The following DGKB variants were observed in gnomAD, a reference collection of about 807,000 sequenced individuals.
DGKB encodes 90 kDa diacylglycerol kinase.
In DGKB, 67 loss-of-function variants were observed where a neutral mutation model predicts 114.3. The observed-to-expected ratio is 0.59, with a 90% confidence interval of 0.48 to 0.72. DGKB has a LOEUF of 0.72. DGKB is among the 30% of genes least tolerant of loss of function. DGKB has a pLI of 0.00. For synonymous variants in DGKB, 398 were observed against 323.1 expected, an observed-to-expected ratio of 1.23 and a Z score of -2.49; for missense variants, 907 against 975.2, an observed-to-expected ratio of 0.93 and a Z score of 0.93.
Position 14,319,421 on chromosome 7 carries a change from T to C in DGKB, c.2122+19094A>G, listed in dbSNP as rs181672494. On this transcript the variant is annotated intron_variant, in intron 23 of 25. Transcript: ENST00000402815. Reference sequence around the variant, plus strand: ...ACTCTTCTTACTAAATTTTTGTTTTTTAAATATAGTTATTTAAAAATATAT... The same window carrying C: ...ACTCTTCTTACTAAATTTTTGTTTTCTAAATATAGTTATTTAAAAATATAT... Among the ~76,000 whole-genome samples the C allele has an allele frequency of 1.8e-3, 280 of 152,270 alleles. 1 individual carries two copies. The highest frequency in any genetic ancestry group is 6.5e-3 in the African/African-American group (271 of 41,570).
chr7:14,840,200 C>T (rs1847729939), intron 2 of DGKB, among the ~76,000 whole-genome samples: 2 of 152,120 alleles, frequency 1.3e-5, no homozygotes, highest in African/African-American at 4.8e-5. Flanking sequence ...TAATTTTTAC[C>T]TCGTTCACTA....
intron 1 of DGKB, among the ~76,000 whole-genome samples, chr7:14,941,829 A>C (rs1320725671): frequency 6.6e-6 from 1 of 152,070 alleles, no homozygotes; most frequent in Non-Finnish European, 1.5e-5. Flanking sequence ...AATAAAACGG[A>C]TGATTAGAAG....
chr7:14,682,938 C>G, intron 10 of DGKB, 97 bp from the exon 11 acceptor site: 1 of 793,094 alleles, frequency 1.3e-6, no homozygotes, highest in Non-Finnish European at 2.1e-6. Flanking sequence ...ATTTCATATC[C>G]ACTGCTCCCT....
chr7:14,709,170 C>A (rs1465433011), intron 6 of DGKB, among the ~76,000 whole-genome samples: 1 of 152,072 alleles, frequency 6.6e-6, no homozygotes, highest in African/African-American at 2.4e-5. Context: ...TGAACAGACA[C>A]TTCTCAAAAG....
At chr7:14,394,635 C>A (rs1583620371) in intron 21 of DGKB, among the ~76,000 whole-genome samples, 1 of 151,258 alleles carries the variant, frequency 6.6e-6, no homozygotes, top group East Asian at 1.9e-4. Context: ...CTTCACCTTT[C>A]TTCCTGCTAT....
intron 1 of DGKB, among the ~76,000 whole-genome samples, chr7:14,918,658 C>T (rs959674069): frequency 2.0e-5 from 3 of 152,030 alleles, no homozygotes; most frequent in African/African-American, 7.2e-5. Context: ...TAGGAATATT[C>T]AATATTGTTT....
At chr7:14,492,779 G>C (rs1028238554) in intron 20 of DGKB, among the ~76,000 whole-genome samples, 1 of 152,030 alleles carries the variant, frequency 6.6e-6, no homozygotes, top group Non-Finnish European at 1.5e-5. Context: ...AAATCCTTTT[G>C]ATAGCTTACA....
chr7:14,788,018 G>A (rs1011951207), intron 2 of DGKB, among the ~76,000 whole-genome samples: 3 of 152,206 alleles, frequency 2.0e-5, no homozygotes, highest in Admixed American at 1.3e-4. Context: ...CTGAGGTTAT[G>A]ACAGGAGAGT....
At chr7:14,763,284 T>C (rs573346736) in intron 2 of DGKB, among the ~76,000 whole-genome samples, 16 of 152,190 alleles carry the variant, frequency 1.1e-4, no homozygotes, top group Non-Finnish European at 1.5e-4. Context: ...TTGTAACTCA[T>C]CCTCCATGGG....
At chr7:14,205,147 C>G (rs951558086) in intron 23 of DGKB, among the ~76,000 whole-genome samples, 1 of 151,984 alleles carries the variant, frequency 6.6e-6, no homozygotes, top group Non-Finnish European at 1.5e-5. Flanking sequence ...CATACTGTCA[C>G]TGTGTATTCA....
intron 7 of DGKB, among the ~76,000 whole-genome samples, chr7:14,700,413 C>CA (rs1824951769): frequency 6.6e-6 from 1 of 152,128 alleles, no homozygotes; most frequent in African/African-American, 2.4e-5. Context: ...GGGGTTTCAC[C>CA]ATGTTGGCCA....
At chr7:14,447,216 A>T (rs951152089) in intron 21 of DGKB, among the ~76,000 whole-genome samples, 1 of 150,370 alleles carries the variant, frequency 6.7e-6, no homozygotes, top group Non-Finnish European at 1.5e-5. Context: ...TTTTTGCCAC[A>T]TGAAAGAAAT....
chr7:14,515,947 C>T (rs114509313), intron 20 of DGKB, among the ~76,000 whole-genome samples: 6,389 of 152,092 alleles, frequency 0.042, 432 homozygotes, highest in African/African-American at 0.15. Context: ...TAAGCTCAAG[C>T]GATCCTCCTG....
At chr7:14,974,606 T>C (rs895985985) in intron 1 of DGKB, 13 of 152,118 alleles carry the variant, frequency 8.5e-5, no homozygotes, top group Admixed American at 7.9e-4. Context: ...TTCCATCAAA[T>C]AGATCCTTAT....
Position 14,367,076 on chromosome 7 carries a change from T to C in DGKB, c.1836-21685A>G, listed in dbSNP as rs149696886. On this transcript the variant is annotated intron_variant, in intron 21 of 25. Transcript: ENST00000402815. ...CCCAGGCTAGAGACATGCGGTGCAA[T>C]ACTCTCTTGCGATGCCAGGCAGTAG... 3.4e-4 allele frequency among the ~76,000 whole-genome samples: 51 copies of C among 152,212 alleles called. No homozygotes were observed. In the East Asian group the frequency reaches 6.0e-3, roughly 18 times the overall value.
intron 21 of DGKB, among the ~76,000 whole-genome samples, chr7:14,412,488 C>A (rs1208763510): frequency 6.6e-6 from 1 of 152,012 alleles, no homozygotes; most frequent in Admixed American, 6.6e-5. Flanking sequence ...GGAAAGAGAG[C>A]CCGGGGAAAG....
intron 15 of DGKB, among the ~76,000 whole-genome samples, chr7:14,614,048 G>A (rs1806084500): frequency 6.6e-6 from 1 of 152,134 alleles, no homozygotes. Context: ...TCTCTTTCAG[G>A]TAACACGAAT....
intron 12 of DGKB, among the ~76,000 whole-genome samples, chr7:14,680,049 C>A (rs1041660116): frequency 6.6e-6 from 1 of 151,756 alleles, no homozygotes; most frequent in Non-Finnish European, 1.5e-5. Context: ...ACCCATAAGA[C>A]CCCTAAAGCT....
At chr7:14,191,248 A>C (rs1255749697) in intron 23 of DGKB, 1 of 157,076 alleles carries the variant, frequency 6.4e-6, no homozygotes, top group Non-Finnish European at 1.4e-5. Context: ...TATTGTTAAC[A>C]AAATGGATTC....
Sources: allele counts gnomAD v4.1 joint callset (sites outside exome capture counted in the v4.1 genomes callset), GRCh38; gene constraint gnomAD v4.1.1; transcripts MANE v1.5; gene names NCBI Gene and HGNC (gene_info 2026-07-23, HGNC 2026-07-21).